The following ELOVL7 variants were observed in gnomAD, a reference collection of about 807,000 sequenced individuals.
The protein encoded by ELOVL7 is ELOVL fatty acid elongase 7, also known as very long chain fatty acid elongase 7.
Under a neutral mutation model 35.7 loss-of-function variants are expected in ELOVL7, and 27 were observed. The observed-to-expected ratio is 0.76, with a 90% CI of 0.56 to 1.04. ELOVL7 has a LOEUF of 1.04. Among genes scored for constraint, ELOVL7 ranks in the 50% least tolerant of loss-of-function variants. The pLI is 0.00. For synonymous variants in ELOVL7, 113 were observed against 114.6 expected, an observed-to-expected ratio of 0.99 and a Z score of 0.09; for missense variants, 327 against 340.8, an observed-to-expected ratio of 0.96 and a Z score of 0.32.
intron 1 of ELOVL7, among the ~76,000 whole-genome samples, chr5:60,834,554 G>A (rs185654137): frequency 8.1e-4 from 123 of 152,318 alleles, no homozygotes; most frequent in African/African-American, 2.9e-3. Flanking sequence ...TGTAATCCCA[G>A]CTACTTGGGA....
At chr5:60,820,644 T>C (rs1745827706) in intron 1 of ELOVL7, among the ~76,000 whole-genome samples, 1 of 152,140 alleles carries the variant, frequency 6.6e-6, no homozygotes, top group Non-Finnish European at 1.5e-5. Flanking sequence ...TTTAGACTCT[T>C]GACTTCTCAC....
chr5:60,784,174 T>G lies in ELOVL7; in HGVS notation c.64+3160A>C, dbSNP rs1321303766. 3 of 1,492,588 alleles carry G rather than the reference T, an allele frequency of 2.0e-6. No homozygotes were observed. In the African/African-American group the frequency reaches 4.1e-5, roughly 21 times the overall value. 92.5% of individuals were successfully genotyped at this position (1,492,588 alleles called of 1,614,324 possible). A position where few individuals can be genotyped will look rare whatever the true frequency, so the allele number is the denominator to read the frequency against. ...AAGTAGCAGGTACTGGCTCAAAGAG[T>G]ACATCTTTAAGATTCCAAGTACTAA... On this transcript the variant is annotated intron_variant, in intron 3 of 8. Coordinates refer to ENST00000508821, the MANE Select transcript of ELOVL7 (RefSeq NM_024930.3).
intron 4 of ELOVL7, chr5:60,768,539 C>G (rs1418826554): frequency 3.2e-6 from 1 of 310,250 alleles, no homozygotes; most frequent in South Asian, 2.9e-5. Flanking sequence ...TCTGGCAGGC[C>G]TTAATTCCAA....
chr5:60,787,488 G>T, intron 2 of ELOVL7, 57 bp from the exon 3 acceptor site: 1 of 977,400 alleles, frequency 1.0e-6, no homozygotes, highest in South Asian at 1.7e-5. Flanking sequence ...ATAAAGTCAA[G>T]CTTATAGTAA....
intron 1 of ELOVL7, among the ~76,000 whole-genome samples, chr5:60,826,411 A>G (rs1376127637): frequency 6.6e-6 from 1 of 152,058 alleles, no homozygotes; most frequent in Non-Finnish European, 1.5e-5. Context: ...AAAGATTTCA[A>G]TCATCTTATA....
intron 2 of ELOVL7, among the ~76,000 whole-genome samples, chr5:60,794,402 C>T (rs1579854291): frequency 1.3e-5 from 2 of 152,312 alleles, no homozygotes; most frequent in East Asian, 3.9e-4. Flanking sequence ...GGCACCTGGT[C>T]ACTTTGTCCT....
chr5:60,772,100 G>A lies in ELOVL7; in HGVS notation c.65-7C>T, dbSNP rs1742633036. 6.3e-7 allele frequency: 1 copy of A among 1,595,388 alleles called. No individual in the cohort carries two copies. Among genetic ancestry groups the A allele is most frequent in the Non-Finnish European group, 8.5e-7 (1 of 1,170,776 alleles). ...CAATCTTCAACTCTTGGATCTAAGA[G>A]AAAAACAATATGTGAGTACACACCT... On this transcript the variant is annotated splice_region_variant and splice_polypyrimidine_tract_variant and intron_variant, in intron 3 of 8. Transcript: ENST00000508821.
In ELOVL7 at chr5:60,767,866, C is replaced by G. The variant is rs866433834; in HGVS notation, c.293G>C (p.Arg98Pro). 2 of 1,613,876 alleles carry G rather than the reference C, an allele frequency of 1.2e-6. No homozygotes were observed. Among genetic ancestry groups the G allele is most frequent in the East Asian group, 2.2e-5 (1 of 44,844 alleles). Residue 98 changes from arginine to proline, a missense_variant, in exon 5 of 9, where the codon CGA (arginine) becomes CCA (proline). By Grantham distance (103) the Arg-to-Pro change is moderately radical (BLOSUM62 -2). Transcript: ENST00000508821. ...CCGTGAATAGTCAACAATGTCACAT[C>G]GAAATGAATAACCTATACCCCAGCC... Reference protein sequence around the residue: ...MSGWGIGYSFRCDIVDYSRSP... With the variant: ...MSGWGIGYSFPCDIVDYSRSP...
At chr5:60,801,310 C>A (rs770659545) in intron 1 of ELOVL7, among the ~76,000 whole-genome samples, 5 of 152,038 alleles carry the variant, frequency 3.3e-5, no homozygotes, top group Admixed American at 6.6e-5. Flanking sequence ...GAGGATCTAG[C>A]CACAGCAATT....
chr5:60,795,590 T>C (rs1305844341), intron 2 of ELOVL7, among the ~76,000 whole-genome samples: 6 of 152,230 alleles, frequency 3.9e-5, no homozygotes, highest in Non-Finnish European at 7.3e-5. Context: ...GTGTTTGTTC[T>C]GGCTCAAGCT....
chr5:60,825,769 G>C (rs953878839), intron 1 of ELOVL7, among the ~76,000 whole-genome samples: 1 of 152,358 alleles, frequency 6.6e-6, no homozygotes, highest in Admixed American at 6.5e-5. Flanking sequence ...AAAGGACAGA[G>C]CTGAAAGTAT....
chr5:60,809,178 G>T (rs924337440), intron 1 of ELOVL7, among the ~76,000 whole-genome samples: 3 of 152,090 alleles, frequency 2.0e-5, no homozygotes, highest in African/African-American at 7.2e-5. Flanking sequence ...ATGAAAGAAA[G>T]AAAAAGAATG....
At chr5:60,813,883 G>T (rs1745376173) in intron 1 of ELOVL7, among the ~76,000 whole-genome samples, 1 of 152,082 alleles carries the variant, frequency 6.6e-6, no homozygotes, top group Admixed American at 6.5e-5. Flanking sequence ...TTATGATAAA[G>T]CCCAGACAAG....
At chr5:60,798,496 A>G (rs1296302162) in intron 2 of ELOVL7, among the ~76,000 whole-genome samples, 2 of 152,230 alleles carry the variant, frequency 1.3e-5, no homozygotes, top group African/African-American at 4.8e-5. Context: ...AAAGTGGACT[A>G]AAATAGTTTT....
At chr5:60,839,027 AAAAT>A (rs1431319197) in intron 1 of ELOVL7, among the ~76,000 whole-genome samples, 19 of 133,510 alleles carry the variant, frequency 1.4e-4, no homozygotes, top group East Asian at 2.1e-4. Context: ...GTGTCAAAAA[AAAAT>A]ATATATATAT....
chr5:60,807,618 C>T (rs1745005130), intron 1 of ELOVL7, among the ~76,000 whole-genome samples: 1 of 151,408 alleles, frequency 6.6e-6, no homozygotes, highest in African/African-American at 2.4e-5. Context: ...CAAAAAAGAA[C>T]CCAGAACAAC....
At position 60,782,072 on chromosome 5, in the gene ELOVL7, A is replaced by AT. The variant is rs1028128542; in HGVS notation, c.64+5261dup. ...CCTAGGACACGGTTTCTATGCATCC[A>AT]TTTTTTTAAATGTGCAAAGGACCTG... On this transcript the variant is annotated intron_variant, in intron 3 of 8. Coordinates refer to ENST00000508821, the MANE Select transcript of ELOVL7 (RefSeq NM_024930.3). Among the ~76,000 whole-genome samples, 37 of 152,276 alleles carry AT rather than the reference A, an allele frequency of 2.4e-4. 1 individual carries two copies. Among genetic ancestry groups the AT allele is most frequent in the African/African-American group, 8.7e-4 (36 of 41,562 alleles).
At chr5:60,760,425 CATAA>C (rs1490324017) in intron 7 of ELOVL7, among the ~76,000 whole-genome samples, 2 of 152,172 alleles carry the variant, frequency 1.3e-5, no homozygotes, top group Non-Finnish European at 2.9e-5. Flanking sequence ...TTTTTGGCTG[CATAA>C]ATGTCTTCTT....
At chr5:60,803,438 G>A (rs891897893) in intron 1 of ELOVL7, among the ~76,000 whole-genome samples, 1 of 152,152 alleles carries the variant, frequency 6.6e-6, no homozygotes, top group Non-Finnish European at 1.5e-5. Flanking sequence ...CCTGCTGATA[G>A]GTGCTCAGGA....
Sources: allele counts gnomAD v4.1 joint callset (sites outside exome capture counted in the v4.1 genomes callset), GRCh38; gene constraint gnomAD v4.1.1; transcripts MANE v1.5; gene names NCBI Gene and HGNC (gene_info 2026-07-23, HGNC 2026-07-21).